Variants in HIPK3 observed in about 807,000 individuals in gnomAD.
HIPK3 encodes the protein homeodomain interacting protein kinase 3, also known as homeodomain-interacting protein kinase 3.
HIPK3 carries 47 observed loss-of-function variants against 124.2 expected under a neutral mutation model. That is an observed-to-expected ratio of 0.38 (90% CI 0.30 to 0.48). The LOEUF (loss-of-function observed/expected upper bound fraction) is 0.48. Among genes scored for constraint, HIPK3 ranks in the 20% least tolerant of loss-of-function variants. The pLI, the probability that HIPK3 is intolerant of heterozygous loss-of-function variation, is 0.98. For missense variants in HIPK3, 1,286 were observed against 1,454.3 expected (o/e 0.88, Z 1.88); for synonymous variants, 482 against 515.2 (o/e 0.94, Z 0.87).
At chr11:33,321,433 C>A (rs968375421) in intron 2 of HIPK3, among the ~76,000 whole-genome samples, 1 of 151,964 alleles carries the variant, frequency 6.6e-6, no homozygotes, top group Admixed American at 6.6e-5. Context: ...TTTATTTTTC[C>A]AAGATGGAGA....
At chr11:33,257,083 G>T (rs931619626), upstream of HIPK3, among the ~76,000 whole-genome samples, 83 of 152,290 alleles carry the variant, frequency 5.5e-4, no homozygotes, top group African/African-American at 1.9e-3. Context: ...GGCGGAGGGG[G>T]CATGGAGTGA....
chr11:33,314,211 T>G (rs1379818253), intron 2 of HIPK3, among the ~76,000 whole-genome samples: 1 of 152,230 alleles, frequency 6.6e-6, no homozygotes, highest in African/African-American at 2.4e-5. Context: ...TGCATAGGTT[T>G]GTATAAGCCC....
chr11:33,257,731 C>G lies in HIPK3; in HGVS notation c.-161C>G, dbSNP rs1423580855. ...CGCCGTTTCCTCTCAGCCGCCAGGA[C>G]AAGATGGCAGCGGCCGCGGAGAGGG... On this transcript the variant is annotated 5_prime_UTR_variant, in exon 1 of 17. Coordinates refer to ENST00000303296, the MANE Select transcript of HIPK3 (RefSeq NM_005734.5). 4 of 989,170 alleles carry G rather than the reference C, an allele frequency of 4.0e-6. No individual in the cohort carries two copies. The highest frequency in any genetic ancestry group is 4.8e-6 in the Non-Finnish European group (4 of 832,600). The allele number at this position is 989,170 out of a possible 1,614,324, so 61.3% of individuals were successfully genotyped here.
At chr11:33,267,874 G>A (rs1851013930) in intron 1 of HIPK3, among the ~76,000 whole-genome samples, 1 of 152,122 alleles carries the variant, frequency 6.6e-6, no homozygotes, top group Admixed American at 6.5e-5. Context: ...ATGTGAAAAT[G>A]GCAAGTATTT....
At chr11:33,311,374 C>A (rs978954527) in intron 2 of HIPK3, among the ~76,000 whole-genome samples, 1 of 152,080 alleles carries the variant, frequency 6.6e-6, no homozygotes, top group African/African-American at 2.4e-5. Context: ...TGTGTAGAGA[C>A]GAAGTCTTGC....
chr11:33,319,082 A>G (rs1354018380), intron 2 of HIPK3, among the ~76,000 whole-genome samples: 1 of 152,196 alleles, frequency 6.6e-6, no homozygotes, highest in African/African-American at 2.4e-5. Flanking sequence ...ACAATGATTT[A>G]TTATTTCTCA....
chr11:33,257,648 C>A lies in HIPK3; in HGVS notation c.-244C>A. The A allele has an allele frequency of 1.0e-6, 1 of 991,714 alleles. No homozygotes were observed. 61.4% of individuals were successfully genotyped at this position (991,714 alleles called of 1,614,324 possible). ...CGGGAAGGAAGATGAGGGAGACGGG[C>A]CCGGCGCTTAGCAGCCAGAGCAGCA... On this transcript the variant is annotated 5_prime_UTR_variant, in exon 1 of 17. Transcript: ENST00000303296.
chr11:33,317,010 CT>C (rs1852521895), intron 2 of HIPK3, among the ~76,000 whole-genome samples: 1 of 152,068 alleles, frequency 6.6e-6, no homozygotes, highest in Non-Finnish European at 1.5e-5. Flanking sequence ...GAGACAGAGC[CT>C]TGCTCTGTTG....
At chr11:33,316,164 C>A (rs769271502) in intron 2 of HIPK3, among the ~76,000 whole-genome samples, 8 of 152,174 alleles carry the variant, frequency 5.3e-5, no homozygotes, top group Non-Finnish European at 1.0e-4. Context: ...AGCGGTTGAT[C>A]ATCTGTTTTG....
intron 3 of HIPK3, among the ~76,000 whole-genome samples, chr11:33,332,044 C>G (rs1486375632): frequency 6.6e-6 from 1 of 152,170 alleles, no homozygotes. Flanking sequence ...CAGGCACGAG[C>G]CACCGCGCCT....
intron 3 of HIPK3, among the ~76,000 whole-genome samples, chr11:33,334,940 A>AC (rs1442322067): frequency 2.0e-5 from 3 of 152,174 alleles, no homozygotes. Context: ...CTCAGAATTG[A>AC]AGAGGATCTG....
At chr11:33,309,594 C>T (rs1852262894) in intron 2 of HIPK3, among the ~76,000 whole-genome samples, 2 of 152,216 alleles carry the variant, frequency 1.3e-5, no homozygotes, top group Admixed American at 1.3e-4. Flanking sequence ...CCCAGTTAGC[C>T]ACTTAGGATC....
At chr11:33,322,853 C>CA (rs1852705097) in intron 2 of HIPK3, among the ~76,000 whole-genome samples, 1 of 152,042 alleles carries the variant, frequency 6.6e-6, no homozygotes, top group African/African-American at 2.4e-5. Flanking sequence ...AAACGAGTGG[C>CA]CACTGTTTCC....
At chr11:33,279,384 T>C (rs1470851686) in intron 1 of HIPK3, among the ~76,000 whole-genome samples, 1 of 150,880 alleles carries the variant, frequency 6.6e-6, no homozygotes, top group Non-Finnish European at 1.5e-5. Context: ...ATGTAGTGTA[T>C]GTAAGTTTGG....
intron 1 of HIPK3, among the ~76,000 whole-genome samples, chr11:33,269,024 A>C (rs1245010739): frequency 2.6e-5 from 4 of 152,198 alleles, no homozygotes; most frequent in Non-Finnish European, 5.9e-5. Context: ...ATGTTCCCTA[A>C]AGTGTATAAT....
chr11:33,304,970 A>G (rs1370418329), intron 2 of HIPK3, among the ~76,000 whole-genome samples: 1 of 152,138 alleles, frequency 6.6e-6, no homozygotes, highest in East Asian at 1.9e-4. Context: ...CTTTCACATT[A>G]TTGGCTTTGA....
chr11:33,318,111 A>G (rs1852558232), intron 2 of HIPK3, among the ~76,000 whole-genome samples: 1 of 152,206 alleles, frequency 6.6e-6, no homozygotes, highest in Non-Finnish European at 1.5e-5. Flanking sequence ...ACATTTCCTG[A>G]TTAGTTTTAA....
At chr11:33,271,422 C>T (rs1032186437) in intron 1 of HIPK3, among the ~76,000 whole-genome samples, 5 of 151,912 alleles carry the variant, frequency 3.3e-5, no homozygotes, top group South Asian at 2.1e-4. Flanking sequence ...AAAAATTAAC[C>T]GGGTGTGGTG....
chr11:33,333,690 T>C (rs1853055726), intron 3 of HIPK3, among the ~76,000 whole-genome samples: 2 of 152,210 alleles, frequency 1.3e-5, no homozygotes, highest in Non-Finnish European at 2.9e-5. Flanking sequence ...TGTTTGTTTG[T>C]TTTTTGTTTT....
Sources: gnomAD v4.1 joint callset for allele counts (sites outside exome capture counted in the v4.1 genomes callset) on GRCh38, gnomAD v4.1.1 for gene constraint, MANE v1.5 for transcripts, NCBI Gene and HGNC (gene_info 2026-07-23, HGNC 2026-07-21) for gene names.